The following HAL variants were observed in gnomAD, a reference collection of about 807,000 sequenced individuals.
HAL encodes the protein histidine ammonia-lyase.
A neutral mutation model predicts 81.1 loss-of-function variants in HAL; 85 were observed. The observed-to-expected ratio is 1.05, with a 90% CI of 0.88 to 1.25. The LOEUF (loss-of-function observed/expected upper bound fraction) is 1.25. Among genes scored for constraint, HAL ranks in the 50% most tolerant of loss-of-function variants. The pLI is 0.00. For missense variants in HAL, 798 were observed against 836.6 expected (o/e 0.95, Z 0.57); for synonymous variants, 301 against 309.2 (o/e 0.97, Z 0.28).
Position 95,974,314 on chromosome 12 carries a change from G to A in HAL, c.1892C>T (p.Ser631Leu). 6.2e-7 allele frequency: 1 copy of A among 1,612,574 alleles called. No homozygotes were observed. Among genetic ancestry groups the A allele is most frequent in the South Asian group, 1.1e-5 (1 of 91,046 alleles). The change falls in exon 21 of 21, where the codon TCA becomes TTA. Residue 631 changes from serine to leucine, a missense_variant. Ser to Leu is a moderately radical substitution (Grantham distance 145). Transcript: ENST00000261208. ...AAAGGCTGTTGGAGAAAGAGGTCTT[G>A]ATTCTGGAATATGCTCCATTCTGTA... ...EKYRMEHIPESRPLSPTAFSL... is the reference protein window; with the variant it reads ...EKYRMEHIPELRPLSPTAFSL...
chr12:95,980,114 GGTT>G (rs1030920839), intron 17 of HAL, among the ~76,000 whole-genome samples: 1 of 151,980 alleles, frequency 6.6e-6, no homozygotes, highest in African/African-American at 2.4e-5. Flanking sequence ...TGTTTTTAGT[GGTT>G]GTTATATCTA....
intron 14 of HAL, among the ~76,000 whole-genome samples, chr12:95,985,229 A>G (rs903400091): frequency 1.1e-4 from 17 of 152,238 alleles, no homozygotes; most frequent in African/African-American, 4.1e-4. Flanking sequence ...AGGGAGAAAC[A>G]GTACAACTCT....
In HAL at chr12:95,979,175, C is replaced by T. The variant is rs1447190263; in HGVS notation, c.1520-1097G>A. 2.0e-5 allele frequency among the ~76,000 whole-genome samples: 3 copies of T among 152,304 alleles called. No homozygotes were observed. In the East Asian group the frequency reaches 5.8e-4, roughly 29 times the overall value. ...CTAAAACATATTCAAATGAGGCTTC[C>T]CAATGTCCATCCTGTTCTCTAGAAA... On this transcript the variant is annotated intron_variant, in intron 17 of 20. Transcript: ENST00000261208.
At chr12:95,982,247 C>CA (rs775879293) in intron 15 of HAL, among the ~76,000 whole-genome samples, 4 of 152,124 alleles carry the variant, frequency 2.6e-5, no homozygotes, top group Non-Finnish European at 5.9e-5. Context: ...CAGGTAACAG[C>CA]AGTATTGCAA....
chr12:95,990,615 C>T (rs1949957348), intron 9 of HAL, 83 bp from the exon 10 acceptor site: 1 of 1,042,342 alleles, frequency 9.6e-7, no homozygotes, highest in Middle Eastern at 2.9e-4. Context: ...CCCCACTGCC[C>T]CCGCAAACAC....
At chr12:95,993,701 T>C in intron 7 of HAL, 71 bp downstream of exon 7, 1 of 965,954 alleles carries the variant, frequency 1.0e-6, no homozygotes. Flanking sequence ...ATGTGAATTA[T>C]TTCCCTTGTT....
chr12:95,994,305 T>G (rs17024986), intron 4 of HAL, 141 bp from the exon 5 acceptor site: 68,187 of 765,120 alleles, frequency 0.089, 4,839 homozygotes, highest in East Asian at 0.31. Flanking sequence ...TAAAAATGCA[T>G]CTTGCATAAG....
chr12:95,974,508 T>C (rs1420243290), intron 20 of HAL, 136 bp from the exon 21 acceptor site: 2 of 800,554 alleles, frequency 2.5e-6, no homozygotes, highest in Non-Finnish European at 4.3e-6. Context: ...GCTTTTATTT[T>C]AAGCCATTTG....
chr12:95,990,925 C>T (rs1157227667), intron 9 of HAL, among the ~76,000 whole-genome samples: 1 of 152,158 alleles, frequency 6.6e-6, no homozygotes, highest in African/African-American at 2.4e-5. Flanking sequence ...GCCTGGGCAA[C>T]ACGGTGAAAC....
chr12:95,994,876 C>G, intron 3 of HAL, 51 bp from the exon 4 acceptor site: 1 of 1,609,640 alleles, frequency 6.2e-7, no homozygotes, highest in Non-Finnish European at 8.5e-7. Flanking sequence ...ACCCCCAGCC[C>G]CACCATCTGC....
rs1221571650 is a variant in HAL, at chr12:95,985,939, T to C, written c.1175A>G (p.Gln392Arg). 1 of 1,612,516 alleles carries C rather than the reference T, an allele frequency of 6.2e-7. No homozygotes were observed. The highest frequency in any genetic ancestry group is 1.3e-5 in the African/African-American group (1 of 74,816). ...ACAGCAGCGCAAGGTGTATGCATCC[T>C]GGACGCGATCACAGAACCTGTGACT... ...AESHRFCDRV[Q>R]DAYTLRCCPQ... Residue 392 changes from glutamine to arginine, a missense_variant, in exon 14 of 21, where the codon CAG (glutamine) becomes CGG (arginine). Transcript: ENST00000261208.
chr12:95,988,469 C>G (rs925827292), intron 10 of HAL, among the ~76,000 whole-genome samples: 1 of 152,136 alleles, frequency 6.6e-6, no homozygotes, highest in Non-Finnish European at 1.5e-5. Context: ...AAATCAGGGG[C>G]TCCATTGTCT....
chr12:95,979,883 A>G lies in HAL; in HGVS notation c.1519+673T>C, dbSNP rs140098221. Among the ~76,000 whole-genome samples, 294 of 152,360 alleles carry G rather than the reference A, an allele frequency of 1.9e-3. 3 individuals are homozygous for G. Among genetic ancestry groups the G allele is most frequent in the African/African-American group, 6.8e-3 (282 of 41,592 alleles). The stretch of plus-strand genomic sequence containing the variant: ...CTCTCAGATCTTCAGATATTCATCT[A>G]TAGATAACAATAATAGCACTTACCT... On this transcript the variant is annotated intron_variant, in intron 17 of 20. Transcript: ENST00000261208.
At chr12:95,990,634 C>A in intron 9 of HAL, 102 bp from the exon 10 acceptor site, 2 of 885,518 alleles carry the variant, frequency 2.3e-6, no homozygotes, top group Non-Finnish European at 1.9e-6. Flanking sequence ...ACCCTGCCTC[C>A]AATATCTATC....
chr12:95,974,128 A>G lies in HAL; in HGVS notation c.*104T>C. On this transcript the variant is annotated 3_prime_UTR_variant, in exon 21 of 21. Coordinates refer to ENST00000261208, the MANE Select transcript of HAL (RefSeq NM_002108.4). The stretch of plus-strand genomic sequence containing the variant: ...GGCTTTAGAAGAACTGAATGATACA[A>G]TGGATTGATCTACCTAGGAAAGTTC... 1.0e-6 allele frequency: 1 copy of G among 984,356 alleles called. No individual in the cohort carries two copies. The highest frequency in any genetic ancestry group is 1.6e-6 in the Non-Finnish European group (1 of 606,746). 61.0% of individuals were successfully genotyped at this position (984,356 alleles called of 1,614,324 possible). A position where few individuals can be genotyped will look rare whatever the true frequency, so the allele number is the denominator to read the frequency against.
chr12:95,977,473 T>A (rs2080735091), intron 18 of HAL, among the ~76,000 whole-genome samples: 1 of 151,554 alleles, frequency 6.6e-6, no homozygotes, highest in African/African-American at 2.4e-5. Flanking sequence ...CAAGACCCCA[T>A]CTTTACAAAA....
In HAL at chr12:95,993,854, A is replaced by G. The variant is rs1174759426; in HGVS notation, c.485-16T>C. 6.6e-6 allele frequency: 10 copies of G among 1,512,168 alleles called. No individual in the cohort carries two copies. The highest frequency in any genetic ancestry group is 9.2e-6 in the Non-Finnish European group (10 of 1,087,318). The allele number at this position is 1,512,168 out of a possible 1,614,324, so 93.7% of individuals were successfully genotyped here. On this transcript the variant is annotated splice_polypyrimidine_tract_variant and intron_variant, in intron 6 of 20. Coordinates refer to ENST00000261208, the MANE Select transcript of HAL (RefSeq NM_002108.4). Reference sequence around the variant, plus strand: ...CCGTAAACAACTAGAATAAAAAGAGACATTATGCAATTAAATGCAGGGATT... The same window carrying G: ...CCGTAAACAACTAGAATAAAAAGAGGCATTATGCAATTAAATGCAGGGATT...
chr12:95,981,783 C>A (rs1210408749), intron 15 of HAL, among the ~76,000 whole-genome samples: 1 of 152,140 alleles, frequency 6.6e-6, no homozygotes, highest in African/African-American at 2.4e-5. Context: ...TTCCATCATG[C>A]ACTTTACTTA....
chr12:95,995,759 GCGT>G lies in HAL; in HGVS notation c.149_151del (p.Asp50del). 1 of 1,613,728 alleles carries G rather than the reference GCGT, an allele frequency of 6.2e-7. No individual in the cohort carries two copies. On this transcript the variant is annotated inframe_deletion, in exon 2 of 21. Coordinates refer to ENST00000261208, the MANE Select transcript of HAL (RefSeq NM_002108.4). ...CTTGCACCGGCGCACAAGGAAGTGC[GCGT>G]CATCCACGGAGGTGAAGCCACCATT... is the stretch of plus-strand genomic sequence containing the variant.
Sources: allele counts gnomAD v4.1 joint callset (sites outside exome capture counted in the v4.1 genomes callset), GRCh38; gene constraint gnomAD v4.1.1; transcripts MANE v1.5; gene names NCBI Gene and HGNC (gene_info 2026-07-23, HGNC 2026-07-21).